LMF1: variants seen among roughly 807,000 people sequenced by gnomAD.
LMF1 encodes transmembrane protein 112.
A neutral mutation model predicts 60.6 loss-of-function variants in LMF1; 68 were observed. That is an observed-to-expected ratio of 1.12 (90% CI 0.92 to 1.37). The LOEUF is 1.37. Ranked by LOEUF, LMF1 falls within the 40% of genes most tolerant of loss-of-function variation. LMF1 has a pLI of 0.00. For synonymous variants in LMF1, 418 were observed against 324.7 expected, an observed-to-expected ratio of 1.29 and a Z score of -3.09; for missense variants, 948 against 767.2, an observed-to-expected ratio of 1.24 and a Z score of -2.78.
intron 6 of LMF1, 121 bp downstream of exon 6, chr16:879,449 T>A: frequency 8.5e-7 from 1 of 1,179,738 alleles, no homozygotes; most frequent in Non-Finnish European, 1.2e-6. Flanking sequence ...GAGGACAGGC[T>A]GTCCCCAAGA....
chr16:933,720 A>G (rs540511416), intron 3 of LMF1: 5 of 318,378 alleles, frequency 1.6e-5, no homozygotes, highest in South Asian at 1.1e-4. Flanking sequence ...TCCGGGCCCA[A>G]TGGAGGTCAC....
intron 2 of LMF1, among the ~76,000 whole-genome samples, chr16:949,160 C>A (rs1163760099): frequency 1.3e-5 from 2 of 149,602 alleles, no homozygotes; most frequent in Admixed American, 6.7e-5. Flanking sequence ...CAGAGTCAGC[C>A]AACGACAGAG....
chr16:886,355 G>A (rs1176711258), intron 5 of LMF1, among the ~76,000 whole-genome samples: 2 of 152,168 alleles, frequency 1.3e-5, no homozygotes, highest in Non-Finnish European at 2.9e-5. Context: ...CCTGGCAAGA[G>A]GACCCCAGGA....
intron 1 of LMF1, chr16:976,102 A>G: frequency 2.7e-6 from 1 of 370,458 alleles, no homozygotes. Context: ...ATTTTTCTGG[A>G]GTCAGTCCTC....
At chr16:893,322 C>T (rs1411598486) in intron 4 of LMF1, 15 of 600,080 alleles carry the variant, frequency 2.5e-5, no homozygotes, top group Non-Finnish European at 3.4e-5. Context: ...GCTTCCTTTG[C>T]GCCTTCCCCA....
rs568414074 is a variant in LMF1 at position 930,079 on chromosome 16, C to T, written c.514+4165G>A. On this transcript the variant is annotated intron_variant, in intron 3 of 10. Transcript: ENST00000262301. ...AGCCCAGGACAGCAGTGGTCACGTC[C>T]GTCTGAACGGGGGCGCAGGACCCTG... is the stretch of plus-strand genomic sequence containing the variant. Among the ~76,000 whole-genome samples the T allele has an allele frequency of 1.6e-4, 14 of 90,128 alleles. 1 individual carries two copies. Among genetic ancestry groups the T allele is most frequent in the African/African-American group, 8.0e-4 (11 of 13,684 alleles). 59.1% of individuals were successfully genotyped at this position (90,128 alleles called of 152,430 possible).
At position 895,123 on chromosome 16, in the gene LMF1, G is replaced by A. The variant is rs188726121; in HGVS notation, c.664-2051C>T. Among the ~76,000 whole-genome samples, 611 of 152,314 alleles carry A rather than the reference G, an allele frequency of 4.0e-3. 5 individuals carry two copies. Among genetic ancestry groups the A allele is most frequent in the African/African-American group, 0.014 (568 of 41,578 alleles). On this transcript the variant is annotated intron_variant, in intron 4 of 10. Transcript: ENST00000262301. ...CCACGGCGCCAGTCGCGGTCCCACT[G>A]CGGGAGACTGGCCTCCAGACGGCGG... is the stretch of plus-strand genomic sequence containing the variant.
intron 10 of LMF1, among the ~76,000 whole-genome samples, chr16:864,397 G>A (rs1344588829): frequency 6.6e-6 from 1 of 152,210 alleles, no homozygotes; most frequent in Non-Finnish European, 1.5e-5. Flanking sequence ...CGCACTGTGA[G>A]TGCCCAGACA....
rs575495922 is a variant in LMF1, at chr16:916,362, C to T, written c.515-5283G>A. On this transcript the variant is annotated intron_variant, in intron 3 of 10. Coordinates refer to ENST00000262301, the MANE Select transcript of LMF1 (RefSeq NM_022773.4). ...CTTGACTGCCTGTCACTCAGCTCTG[C>T]GCCGGGCCGCCCTCTGCCACCCCAG... Among the ~76,000 whole-genome samples, 783 of 152,324 alleles carry T rather than the reference C, an allele frequency of 5.1e-3. 5 individuals carry two copies. The highest frequency in any genetic ancestry group is 9.0e-3 in the Non-Finnish European group (613 of 68,026).
At chr16:875,649 G>A (rs1392637379) in intron 6 of LMF1, among the ~76,000 whole-genome samples, 2 of 152,108 alleles carry the variant, frequency 1.3e-5, no homozygotes, top group Non-Finnish European at 2.9e-5. Flanking sequence ...GCGGGAGGTG[G>A]GATCCTGAGC....
At chr16:908,523 T>C (rs2071025557) in intron 4 of LMF1, among the ~76,000 whole-genome samples, 2 of 152,114 alleles carry the variant, frequency 1.3e-5, no homozygotes, top group South Asian at 2.1e-4. Flanking sequence ...GAGGCAGAGA[T>C]GGGAAGGCCC....
upstream of LMF1, among the ~76,000 whole-genome samples, chr16:972,460 C>T (rs137864746): frequency 4.6e-3 from 705 of 152,336 alleles, 7 homozygotes; most frequent in Non-Finnish European, 8.7e-3. Flanking sequence ...AGCCCACGAC[C>T]CGTACCTCTC....
chr16:939,538 C>T (rs1282112129), intron 2 of LMF1, among the ~76,000 whole-genome samples: 1 of 152,210 alleles, frequency 6.6e-6, no homozygotes, highest in African/African-American at 2.4e-5. Flanking sequence ...CAGACGGGCG[C>T]GTGGCATCTG....
intron 5 of LMF1, among the ~76,000 whole-genome samples, chr16:887,467 TG>T (rs1313382360): frequency 6.6e-6 from 1 of 151,892 alleles, no homozygotes; most frequent in African/African-American, 2.4e-5. Flanking sequence ...TCGGTACCCG[TG>T]GGGGAGCTCG....
chr16:906,296 C>G (rs2070970311), intron 4 of LMF1, among the ~76,000 whole-genome samples: 1 of 152,188 alleles, frequency 6.6e-6, no homozygotes, highest in Non-Finnish European at 1.5e-5. Context: ...ATGCAAAGTA[C>G]TGATCCTGGG....
intron 5 of LMF1, among the ~76,000 whole-genome samples, chr16:888,550 C>T (rs1484216516): frequency 2.0e-5 from 3 of 152,220 alleles, no homozygotes; most frequent in African/African-American, 7.2e-5. Context: ...CTAGTGCCAT[C>T]CCTGCTGCTA....
chr16:940,252 A>G (rs1474563450), intron 2 of LMF1, among the ~76,000 whole-genome samples: 10 of 152,162 alleles, frequency 6.6e-5, no homozygotes, highest in Admixed American at 6.5e-4. Flanking sequence ...GAACTGTGGA[A>G]GAGTAAGTGT....
chr16:931,860 A>G, intron 3 of LMF1: 2 of 1,241,886 alleles, frequency 1.6e-6, no homozygotes, highest in Non-Finnish European at 2.1e-6. Flanking sequence ...CATTAACATT[A>G]ATGAGTCAAC....
chr16:912,429 C>T (rs1420760498), intron 3 of LMF1, among the ~76,000 whole-genome samples: 1 of 152,166 alleles, frequency 6.6e-6, no homozygotes, highest in Non-Finnish European at 1.5e-5. Context: ...GTCAAAAGCC[C>T]GTGAAGAGGC....
Sources: allele counts gnomAD v4.1 joint callset (sites outside exome capture counted in the v4.1 genomes callset), GRCh38; gene constraint gnomAD v4.1.1; transcripts MANE v1.5; gene names NCBI Gene and HGNC (gene_info 2026-07-23, HGNC 2026-07-21).